OR5D3: variants seen among roughly 807,000 people sequenced by gnomAD.
OR5D3 encodes the protein olfactory receptor 5D3.
the OR5D3 span, chr11:55,726,158 T>G: frequency 7.5e-6 from 3 of 398,150 alleles, no homozygotes; most frequent in Admixed American, 4.4e-5. Context: ...TTTCTGTTTC[T>G]TATTGCACAT....
the OR5D3 span, among the ~76,000 whole-genome samples, chr11:55,725,841 A>G: frequency 6.6e-6 from 1 of 152,094 alleles, no homozygotes; most frequent in Non-Finnish European, 1.5e-5. Flanking sequence ...TACAGCAGGA[A>G]TGAAACTGTA....
At chr11:55,726,450 A>T in the OR5D3 span, 3 of 467,412 alleles carry the variant, frequency 6.4e-6, no homozygotes, top group Non-Finnish European at 1.2e-5. Flanking sequence ...CAATTACACC[A>T]AAACTGCTGG....
chr11:55,725,939 G>A, the OR5D3 span, among the ~76,000 whole-genome samples: 1 of 151,950 alleles, frequency 6.6e-6, no homozygotes, highest in Non-Finnish European at 1.5e-5. Flanking sequence ...GAAGCCTGCT[G>A]TCTTATTATC....
the OR5D3 span, among the ~76,000 whole-genome samples, chr11:55,724,368 A>G: frequency 6.6e-6 from 1 of 152,090 alleles, no homozygotes; most frequent in African/African-American, 2.4e-5. Context: ...AGCGAGACTA[A>G]TAACCAAATC....
chr11:55,729,246 A>G, the OR5D3 span: 1 of 151,986 alleles, frequency 6.6e-6, no homozygotes, highest in African/African-American at 2.4e-5. Flanking sequence ...AGATAAATAC[A>G]TTTTAGATAA....
the OR5D3 span, chr11:55,723,866 A>G: frequency 2.7e-6 from 1 of 375,276 alleles, no homozygotes; most frequent in Non-Finnish European, 4.7e-6. Context: ...GCTATCTATG[A>G]GTTTTCTTAA....
chr11:55,727,293 T>C, the OR5D3 span: 4 of 392,364 alleles, frequency 1.0e-5, no homozygotes, highest in Admixed American at 4.4e-5. Context: ...AAAATAACTT[T>C]AAAGTTATAA....
At chr11:55,726,766 G>A in the OR5D3 span, 4 of 398,844 alleles carry the variant, frequency 1.0e-5, no homozygotes, top group Non-Finnish European at 1.8e-5. Flanking sequence ...CGCTGCCATT[G>A]TTGCTGTGTC....
chr11:55,725,318 T>G, the OR5D3 span, among the ~76,000 whole-genome samples: 1 of 152,054 alleles, frequency 6.6e-6, no homozygotes, highest in South Asian at 2.1e-4. Flanking sequence ...GAAAGAATAC[T>G]ATGGTGTCCT....
At chr11:55,724,366 T>C in the OR5D3 span, among the ~76,000 whole-genome samples, 1 of 152,054 alleles carries the variant, frequency 6.6e-6, no homozygotes, top group African/African-American at 2.4e-5. Context: ...TAAGCGAGAC[T>C]AATAACCAAA....
At chr11:55,725,787 A>T in the OR5D3 span, among the ~76,000 whole-genome samples, 1 of 152,050 alleles carries the variant, frequency 6.6e-6, no homozygotes, top group South Asian at 2.1e-4. Flanking sequence ...AACATTTTAC[A>T]ATTTGTTAAG....
the OR5D3 span, chr11:55,727,518 A>T: frequency 2.6e-5 from 4 of 155,040 alleles, no homozygotes; most frequent in African/African-American, 9.6e-5. Flanking sequence ...AATTACTATG[A>T]TAAGAGCTGT....
chr11:55,726,928 T>G, the OR5D3 span: 5 of 399,518 alleles, frequency 1.3e-5, no homozygotes, highest in African/African-American at 2.1e-5. Flanking sequence ...GAAAGCGTTC[T>G]CCACGTGTGC....
chr11:55,723,937 C>T, the OR5D3 span: 1 of 396,624 alleles, frequency 2.5e-6, no homozygotes, highest in African/African-American at 2.1e-5. Flanking sequence ...GACACTCCTA[C>T]TGTTGTTTTC....
At chr11:55,728,637 T>A in the OR5D3 span, 1 of 152,078 alleles carries the variant, frequency 6.6e-6, no homozygotes, top group Non-Finnish European at 1.5e-5. Flanking sequence ...CAATCCAAGC[T>A]GTTAAGTGAT....
chr11:55,728,549 C>T, the OR5D3 span: 6 of 152,034 alleles, frequency 3.9e-5, no homozygotes, highest in African/African-American at 7.3e-5. Flanking sequence ...TAAGAACTTA[C>T]ATTTTCTCCT....
the OR5D3 span, among the ~76,000 whole-genome samples, chr11:55,724,352 G>T: frequency 6.6e-5 from 10 of 151,988 alleles, no homozygotes; most frequent in Non-Finnish European, 1.5e-4. Context: ...ACTTTCTGAG[G>T]AGATAAGCGA....
At chr11:55,726,530 T>C in the OR5D3 span, 7 of 420,362 alleles carry the variant, frequency 1.7e-5, no homozygotes, top group Non-Finnish European at 3.0e-5. Flanking sequence ...TTTGCCTGTA[T>C]ATTTGTGGTG....
the OR5D3 span, chr11:55,728,027 G>C: frequency 6.6e-6 from 1 of 151,986 alleles, no homozygotes; most frequent in African/African-American, 2.4e-5. Context: ...TTTCAAATAA[G>C]TGACTTGACT....
Sources: allele counts gnomAD v4.1 joint callset (sites outside exome capture counted in the v4.1 genomes callset), GRCh38; gene constraint gnomAD v4.1.1; transcripts MANE v1.5; gene names NCBI Gene and HGNC (gene_info 2026-07-23, HGNC 2026-07-21).